Variants in RSBN1L observed in about 807,000 individuals in gnomAD.
RSBN1L encodes lysine-specific demethylase RSBN1L.
A neutral mutation model predicts 67.7 loss-of-function variants in RSBN1L; 30 were observed. That is an observed-to-expected ratio of 0.44 (90% CI 0.33 to 0.60). The LOEUF is 0.60. RSBN1L is among the 20% of genes least tolerant of loss of function. The pLI is 0.02. For synonymous variants in RSBN1L, 433 were observed against 387.0 expected, an observed-to-expected ratio of 1.12 and a Z score of -1.39; for missense variants, 992 against 1,031.7, an observed-to-expected ratio of 0.96 and a Z score of 0.53.
Position 77,779,901 on chromosome 7 carries a change from T to C in RSBN1L, c.*733T>C, listed in dbSNP as rs1042942486. 4.0e-5 allele frequency: 6 copies of C among 151,752 alleles called. No individual in the cohort carries two copies. Among genetic ancestry groups the C allele is most frequent in the African/African-American group, 1.5e-4 (6 of 41,330 alleles). The allele number at this position is 151,752 out of a possible 1,614,324, so 9.4% of individuals were successfully genotyped here. On this transcript the variant is annotated 3_prime_UTR_variant, in exon 8 of 8. Transcript: ENST00000334955. Reference sequence around the variant, plus strand: ...TGGAGTTCAGTGGTGCGATCTCGGCTCACTGCAACCTCTGCCTCTCGGGTT... The same window carrying C: ...TGGAGTTCAGTGGTGCGATCTCGGCCCACTGCAACCTCTGCCTCTCGGGTT...
intron 3 of RSBN1L, among the ~76,000 whole-genome samples, chr7:77,755,010 G>A (rs1280118744): frequency 6.6e-6 from 1 of 152,114 alleles, no homozygotes; most frequent in African/African-American, 2.4e-5. Context: ...ACAAAATATA[G>A]TGAAACTGTA....
chr7:77,744,571 C>T (rs373035246), intron 2 of RSBN1L, among the ~76,000 whole-genome samples: 1 of 151,758 alleles, frequency 6.6e-6, no homozygotes. Flanking sequence ...TGCCTGCCAC[C>T]ACGCCCGGCT....
At chr7:77,719,681 T>G (rs1035363102) in intron 1 of RSBN1L, among the ~76,000 whole-genome samples, 1 of 152,194 alleles carries the variant, frequency 6.6e-6, no homozygotes, top group Non-Finnish European at 1.5e-5. Flanking sequence ...TTTCTGATAG[T>G]TTAGTGAGGA....
intron 3 of RSBN1L, among the ~76,000 whole-genome samples, chr7:77,756,027 C>A (rs1413618342): frequency 6.6e-6 from 1 of 152,070 alleles, no homozygotes; most frequent in East Asian, 1.9e-4. Context: ...AATCTTTGAT[C>A]TAGTTAAAAC....
chr7:77,769,659 T>G (rs974770244), intron 5 of RSBN1L, among the ~76,000 whole-genome samples: 3 of 152,200 alleles, frequency 2.0e-5, no homozygotes, highest in African/African-American at 7.2e-5. Context: ...CTAAGACATT[T>G]GGAACTCATG....
chr7:77,775,060 T>G (rs186195328), intron 6 of RSBN1L, among the ~76,000 whole-genome samples: 5 of 152,288 alleles, frequency 3.3e-5, no homozygotes, highest in Admixed American at 3.3e-4. Context: ...TGTTTATTTG[T>G]ATTACTGTTC....
intron 6 of RSBN1L, among the ~76,000 whole-genome samples, chr7:77,777,218 A>G (rs1024011180): frequency 1.3e-5 from 2 of 152,018 alleles, no homozygotes; most frequent in South Asian, 2.1e-4. Context: ...ATTTTACTTT[A>G]CATATGCCAT....
Position 77,705,390 on chromosome 7 carries a change from T to G in RSBN1L, c.586+8335T>G, listed in dbSNP as rs1052186372. 1.2e-4 allele frequency among the ~76,000 whole-genome samples: 19 copies of G among 152,280 alleles called. 2 individuals carry two copies. The highest frequency in any genetic ancestry group is 1.2e-3 in the Admixed American group (18 of 15,288). ...GTTAAACAATTTTGGTGAGAGTGTT[T>G]CCTAGGTACTCATATTACGTTTGGA... On this transcript the variant is annotated intron_variant, in intron 1 of 7. Transcript: ENST00000334955.
Position 77,740,353 on chromosome 7 carries a change from A to G in RSBN1L, c.703+3827A>G, listed in dbSNP as rs58642722. The stretch of plus-strand genomic sequence containing the variant: ...ATGATTATAGTATTTTTTAGAGTAA[A>G]TGTTTGTCATTATAGCATTTTAAAT... On this transcript the variant is annotated intron_variant, in intron 2 of 7. Coordinates refer to ENST00000334955, the MANE Select transcript of RSBN1L (RefSeq NM_198467.3). Among the ~76,000 whole-genome samples the G allele has an allele frequency of 7.9e-3, 1,203 of 152,296 alleles. 20 individuals are homozygous for G. The highest frequency in any genetic ancestry group is 0.028 in the African/African-American group (1,166 of 41,546).
At chr7:77,727,306 C>T (rs1584284528) in intron 1 of RSBN1L, among the ~76,000 whole-genome samples, 1 of 152,106 alleles carries the variant, frequency 6.6e-6, no homozygotes, top group African/African-American at 2.4e-5. Flanking sequence ...AGGCTGGTCT[C>T]GAACTCCCGA....
At chr7:77,762,181 C>T (rs893450598) in intron 3 of RSBN1L, among the ~76,000 whole-genome samples, 3 of 152,026 alleles carry the variant, frequency 2.0e-5, no homozygotes, top group Non-Finnish European at 4.4e-5. Context: ...GTGGGAAGAA[C>T]TAACTAAAAA....
intron 1 of RSBN1L, among the ~76,000 whole-genome samples, chr7:77,735,917 T>C (rs28403091): frequency 6.6e-6 from 1 of 152,018 alleles, no homozygotes; most frequent in African/African-American, 2.4e-5. Context: ...CAACATCTAG[T>C]CTTATGTATG....
chr7:77,765,956 A>G (rs1791760605), intron 4 of RSBN1L, among the ~76,000 whole-genome samples: 1 of 152,196 alleles, frequency 6.6e-6, no homozygotes, highest in South Asian at 2.1e-4. Context: ...GCTCTTTGTA[A>G]ACTAAGTACT....
At chr7:77,747,486 C>T (rs1791500000) in intron 2 of RSBN1L, among the ~76,000 whole-genome samples, 1 of 152,214 alleles carries the variant, frequency 6.6e-6, no homozygotes, top group Non-Finnish European at 1.5e-5. Flanking sequence ...GCCATCCCAG[C>T]TCCAGCTGTG....
At chr7:77,754,637 A>G (rs940386372) in intron 3 of RSBN1L, among the ~76,000 whole-genome samples, 3 of 152,154 alleles carry the variant, frequency 2.0e-5, no homozygotes, top group Admixed American at 1.3e-4. Context: ...TTTATCTTCC[A>G]ACATCCCCCT....
intron 4 of RSBN1L, among the ~76,000 whole-genome samples, chr7:77,767,741 C>T (rs1377355064): frequency 9.4e-6 from 1 of 106,882 alleles, no homozygotes; most frequent in Non-Finnish European, 1.9e-5. Flanking sequence ...CCCTCCCCTC[C>T]CCTCCCCCCT....
chr7:77,773,070 G>A, intron 5 of RSBN1L, 77 bp from the exon 6 acceptor site: 1 of 754,814 alleles, frequency 1.3e-6, no homozygotes, highest in Non-Finnish European at 2.0e-6. Context: ...ATTTTTGTCT[G>A]AATTATGTGA....
intron 1 of RSBN1L, among the ~76,000 whole-genome samples, chr7:77,719,709 T>G (rs1791091038): frequency 6.6e-6 from 1 of 152,226 alleles, no homozygotes; most frequent in African/African-American, 2.4e-5. Context: ...AGCTAAAATT[T>G]TTCACAGGCC....
At chr7:77,768,471 GT>G (rs1791803683) in intron 4 of RSBN1L, 189 bp from the exon 5 acceptor site, 1 of 548,310 alleles carries the variant, frequency 1.8e-6, no homozygotes, top group African/African-American at 1.9e-5. Flanking sequence ...TTTTCTTGGT[GT>G]GTTTGAAACA....
Sources: allele counts gnomAD v4.1 joint callset (sites outside exome capture counted in the v4.1 genomes callset), GRCh38; gene constraint gnomAD v4.1.1; transcripts MANE v1.5; gene names NCBI Gene and HGNC (gene_info 2026-07-23, HGNC 2026-07-21).